The following NEUROD2 variants were observed in gnomAD, a reference collection of about 807,000 sequenced individuals.
NEUROD2 encodes the protein neurogenic differentiation factor 2.
Under a neutral mutation model 9.3 loss-of-function variants are expected in NEUROD2, and 5 were observed. The ratio of observed to expected loss-of-function variants is 0.54; its 90% confidence interval spans 0.28 to 1.13. The LOEUF is 1.13. Ranked by LOEUF, NEUROD2 falls within the 50% of genes most tolerant of loss-of-function variation. NEUROD2 has a pLI of 0.10. For synonymous variants in NEUROD2, 277 were observed against 257.3 expected, an observed-to-expected ratio of 1.08 and a Z score of -0.73; for missense variants, 376 against 549.2, an observed-to-expected ratio of 0.68 and a Z score of 3.15.
Position 39,606,701 on chromosome 17 carries a change from G to C in NEUROD2, c.-5-97C>G. 3 of 1,284,808 alleles carry C rather than the reference G, an allele frequency of 2.3e-6. No homozygotes were observed. Among genetic ancestry groups the C allele is most frequent in the Non-Finnish European group, 3.1e-6 (3 of 977,548 alleles). The allele number at this position is 1,284,808 out of a possible 1,614,324, so 79.6% of individuals were successfully genotyped here. A position where few individuals can be genotyped will look rare whatever the true frequency, so the allele number is the denominator to read the frequency against. ...CCCCCCACAACCCTCCTCCACCCCC[G>C]AGTCTCGTGCGGGCTCCTGCCTAGG... On this transcript the variant is annotated intron_variant, in intron 1 of 1. Transcript: ENST00000302584. This position sits in a 1 kb window ranked among gnomAD's most constrained non-coding sequence, Gnocchi z 7.8.
At position 39,606,361 on chromosome 17, in the gene NEUROD2, C is replaced by A; in HGVS notation, c.239G>T (p.Gly80Val). 5 of 1,571,512 alleles carry A rather than the reference C, an allele frequency of 3.2e-6. No individual in the cohort carries two copies. Among genetic ancestry groups the A allele is most frequent in the Non-Finnish European group, 4.3e-6 (5 of 1,161,226 alleles). ...LAEVKEEGEL[G>V]GEEEEEEEEE... is the part of the protein sequence containing the mutation. The stretch of plus-strand genomic sequence containing the variant: ...CTCCTCTTCCTCCTCCTCCTCTCCC[C>A]CCAGCTCGCCTTCCTCCTTGACCTC... Residue 80 changes from glycine to valine, a missense_variant, in exon 2 of 2, where the codon GGG becomes GTG. Physicochemically the swap from Gly to Val is moderately radical, Grantham distance 109 (BLOSUM62 -3). This residue lies in a region of NEUROD2 where 134 missense variants were observed against 133.6 expected (regional missense o/e 1.00). Transcript: ENST00000302584. The surrounding 1 kb of genome is among the most constrained non-coding windows in gnomAD (Gnocchi z 7.8).
Position 39,605,328 on chromosome 17 carries a change from G to A in NEUROD2, c.*123C>T. ...ACTGCGCTGCCCCAGGAGAGCGGCA[G>A]GACCGGTGGCCCGCTCCCCGCGCCC... On this transcript the variant is annotated 3_prime_UTR_variant, in exon 2 of 2. Transcript: ENST00000302584. The surrounding 1 kb of genome is among the most constrained non-coding windows in gnomAD (Gnocchi z 6.8). 1 of 1,308,912 alleles carries A rather than the reference G, an allele frequency of 7.6e-7. No individual in the cohort carries two copies. The highest frequency in any genetic ancestry group is 1.5e-5 in the African/African-American group (1 of 67,028). 81.1% of individuals were successfully genotyped at this position (1,308,912 alleles called of 1,614,324 possible).
Position 39,605,822 on chromosome 17 carries a change from C to A in NEUROD2, c.778G>T (p.Gly260Cys), listed in dbSNP as rs890819219. 1.5e-6 allele frequency: 2 copies of A among 1,364,744 alleles called. No individual in the cohort carries two copies. Among genetic ancestry groups the A allele is most frequent in the Non-Finnish European group, 1.9e-6 (2 of 1,065,622 alleles). 84.5% of individuals were successfully genotyped at this position (1,364,744 alleles called of 1,614,324 possible). The change falls in exon 2 of 2, where the codon GGC (glycine) becomes TGC (cysteine). Residue 260 changes from glycine (G) to cysteine (C), a missense_variant. This residue lies in a region of NEUROD2 where 193 missense variants were observed against 255.8 expected (regional missense o/e 0.75). Transcript: ENST00000302584. The surrounding 1 kb of genome is among the most constrained non-coding windows in gnomAD (Gnocchi z 6.8). Reference sequence around the variant, plus strand: ...TGGGTCCGCAGGGCGTGCGCCGCGCCGCCGCCCAGGCCGCCGGCCGCCTGG... The same window carrying A: ...TGGGTCCGCAGGGCGTGCGCCGCGCAGCCGCCCAGGCCGCCGGCCGCCTGG... ...QCQAAGGLGG[G>C]AAHALRTHGY...
Position 39,606,905 on chromosome 17 carries a change from C to T in NEUROD2, c.-5-301G>A, listed in dbSNP as rs1181753110. On this transcript the variant is annotated intron_variant, in intron 1 of 1. Coordinates refer to ENST00000302584, the MANE Select transcript of NEUROD2 (RefSeq NM_006160.4). This position sits in a 1 kb window ranked among gnomAD's most constrained non-coding sequence, Gnocchi z 7.8. The stretch of plus-strand genomic sequence containing the variant: ...TTCTTCTCAGGGTCAGGGCAGGGAC[C>T]GGGTGGGGGTTTTAGGGACCAGATA... The T allele has an allele frequency of 1.5e-5, 5 of 336,792 alleles. No homozygotes were observed. Among genetic ancestry groups the T allele is most frequent in the Admixed American group, 1.0e-4 (2 of 19,984 alleles). The allele number at this position is 336,792 out of a possible 1,614,324, so 20.9% of individuals were successfully genotyped here.
chr17:39,607,339 C>G (rs952460579), intron 1 of NEUROD2: 2 of 152,454 alleles, frequency 1.3e-5, no homozygotes, highest in East Asian at 3.9e-4. Flanking sequence ...CTCCCTCCCA[C>G]AAGGCTCTTC....
chr17:39,606,171 G>T lies in NEUROD2; in HGVS notation c.429C>A (p.Asn143Lys). The T allele has an allele frequency of 6.2e-7, 1 of 1,613,404 alleles. No individual in the cohort carries two copies. The change falls in exon 2 of 2, where the codon AAC becomes AAA. Residue 143 changes from asparagine (N) to lysine (K), a missense_variant. Physicochemically the swap from Asn to Lys is moderately conservative, Grantham distance 94. Coordinates refer to ENST00000302584, the MANE Select transcript of NEUROD2 (RefSeq NM_006160.4). This position sits in a 1 kb window ranked among gnomAD's most constrained non-coding sequence, Gnocchi z 7.8. Reference protein sequence around the residue: ...RMHDLNAALDNLRKVVPCYSK... With the variant: ...RMHDLNAALDKLRKVVPCYSK... ...AGTAGCAGGGCACCACCTTGCGCAG[G>T]TTGTCCAGGGCTGCGTTCAGGTCGT...
rs946243906 is a variant in NEUROD2, at chr17:39,604,354, A to G, written c.*1097T>C. Reference sequence around the variant, plus strand: ...CGACCCCCCAACAGTTTGCCATTCCATACAAATTTGGAAACAGGTTTTTAA... The same window carrying G: ...CGACCCCCCAACAGTTTGCCATTCCGTACAAATTTGGAAACAGGTTTTTAA... On this transcript the variant is annotated 3_prime_UTR_variant, in exon 2 of 2. Transcript: ENST00000302584. 2 of 152,584 alleles carry G rather than the reference A, an allele frequency of 1.3e-5. No homozygotes were observed. Among genetic ancestry groups the G allele is most frequent in the Non-Finnish European group, 2.9e-5 (2 of 67,976 alleles). 9.5% of individuals were successfully genotyped at this position (152,584 alleles called of 1,614,324 possible).
chr17:39,605,772 C>T lies in NEUROD2; in HGVS notation c.828G>A (p.Thr276=). 2 of 1,462,768 alleles carry T rather than the reference C, an allele frequency of 1.4e-6. No individual in the cohort carries two copies. Among genetic ancestry groups the T allele is most frequent in the Non-Finnish European group, 1.8e-6 (2 of 1,109,256 alleles). The allele number at this position is 1,462,768 out of a possible 1,614,324, so 90.6% of individuals were successfully genotyped here. ...RTHGYCAAYE[T]LYAAAGGGGA... ...CGCCACCGCCTGCCGCCGCATACAGCGTCTCGTAGGCGGCGCAGTAGCCGT... is the reference window on the plus strand; with the variant it reads ...CGCCACCGCCTGCCGCCGCATACAGTGTCTCGTAGGCGGCGCAGTAGCCGT... The change falls in exon 2 of 2, where the codon ACG becomes ACA. Residue 276 remains threonine, a synonymous_variant. Coordinates refer to ENST00000302584, the MANE Select transcript of NEUROD2 (RefSeq NM_006160.4). The surrounding 1 kb of genome is among the most constrained non-coding windows in gnomAD (Gnocchi z 6.8).
chr17:39,605,832 G>T lies in NEUROD2; in HGVS notation c.768C>A (p.Gly256=). ...GGGCGTGCGCCGCGCCGCCGCCCAG[G>T]CCGCCGGCCGCCTGGCACTGTGCGC... is the stretch of plus-strand genomic sequence containing the variant. ...LAGAQCQAAG[G]LGGGAAHALR... Residue 256 remains glycine (G), a synonymous_variant, in exon 2 of 2, where the codon GGC becomes GGA. Coordinates refer to ENST00000302584, the MANE Select transcript of NEUROD2 (RefSeq NM_006160.4). This position sits in a 1 kb window ranked among gnomAD's most constrained non-coding sequence, Gnocchi z 6.8. 1 of 1,370,162 alleles carries T rather than the reference G, an allele frequency of 7.3e-7. No individual in the cohort carries two copies. Among genetic ancestry groups the T allele is most frequent in the South Asian group, 1.8e-5 (1 of 54,586 alleles). The allele number at this position is 1,370,162 out of a possible 1,614,324, so 84.9% of individuals were successfully genotyped here. A position where few individuals can be genotyped will look rare whatever the true frequency, so the allele number is the denominator to read the frequency against.
In NEUROD2 at chr17:39,605,698, G is replaced by A; in HGVS notation, c.902C>T (p.Pro301Leu). The A allele has an allele frequency of 6.2e-7, 1 of 1,605,988 alleles. No individual in the cohort carries two copies. Among genetic ancestry groups the A allele is most frequent in the Non-Finnish European group, 8.5e-7 (1 of 1,176,756 alleles). Reference sequence around the variant, plus strand: ...GAAGTTGCCATTGAGACAGAGCGGGGGGCTGAGCGGGCCCTCGTACTCGGA... The same window carrying A: ...GAAGTTGCCATTGAGACAGAGCGGGAGGCTGAGCGGGCCCTCGTACTCGGA... ...NSSEYEGPLS[P>L]PLCLNGNFSL... The change falls in exon 2 of 2, where the codon CCC becomes CTC. Residue 301 changes from proline to leucine, a missense_variant. This residue lies in a region of NEUROD2 where 193 missense variants were observed against 255.8 expected (regional missense o/e 0.75). Transcript: ENST00000302584. The surrounding 1 kb of genome is among the most constrained non-coding windows in gnomAD (Gnocchi z 6.8).
At position 39,605,391 on chromosome 17, in the gene NEUROD2, G is replaced by T; in HGVS notation, c.*60C>A. ...GGATGGGGGTGTCCCTGCGCTCTGGGGGCTGGGGACAGGGGGGCGGGCAAA... is the reference window on the plus strand; with the variant it reads ...GGATGGGGGTGTCCCTGCGCTCTGGTGGCTGGGGACAGGGGGGCGGGCAAA... On this transcript the variant is annotated 3_prime_UTR_variant, in exon 2 of 2. Coordinates refer to ENST00000302584, the MANE Select transcript of NEUROD2 (RefSeq NM_006160.4). The surrounding 1 kb of genome is among the most constrained non-coding windows in gnomAD (Gnocchi z 6.8). 1 of 1,470,474 alleles carries T rather than the reference G, an allele frequency of 6.8e-7. No homozygotes were observed. Among genetic ancestry groups the T allele is most frequent in the Non-Finnish European group, 9.1e-7 (1 of 1,104,838 alleles). 91.1% of individuals were successfully genotyped at this position (1,470,474 alleles called of 1,614,324 possible).
chr17:39,607,521 G>T, intron 1 of NEUROD2: 3 of 755,414 alleles, frequency 4.0e-6, no homozygotes, highest in Non-Finnish European at 4.8e-6. Context: ...CCCCCCCACC[G>T]AGCCCATCGC....
rs764468356 is a variant in NEUROD2 at position 39,605,871 on chromosome 17, G to A, written c.729C>T (p.Cys243=). The A allele has an allele frequency of 6.5e-7, 1 of 1,549,976 alleles. No homozygotes were observed. The highest frequency in any genetic ancestry group is 2.0e-5 in the Admixed American group (1 of 50,888). ...GGCACTGTGCGCCCGCCAGGCGCGA[G>A]CACGGGTACGGGTAGGGGTGCATGG... ...PFAMHPYPYP[C]SRLAGAQCQA... Residue 243 remains cysteine, a synonymous_variant, in exon 2 of 2, where the codon TGC becomes TGT. Transcript: ENST00000302584. This position sits in a 1 kb window ranked among gnomAD's most constrained non-coding sequence, Gnocchi z 6.8.
rs2056758604 is a variant in NEUROD2 at position 39,604,627 on chromosome 17, T to C, written c.*824A>G. The C allele has an allele frequency of 6.6e-6, 1 of 152,026 alleles. No homozygotes were observed. Among genetic ancestry groups the C allele is most frequent in the East Asian group, 1.9e-4 (1 of 5,196 alleles). The allele number at this position is 152,026 out of a possible 1,614,324, so 9.4% of individuals were successfully genotyped here. ...CATAGATATTTGTGTCTTTGATTAT[T>C]GGTAGTAGTGGTTTTTTTTTGTTTG... On this transcript the variant is annotated 3_prime_UTR_variant, in exon 2 of 2. Coordinates refer to ENST00000302584, the MANE Select transcript of NEUROD2 (RefSeq NM_006160.4).
rs2056759586 is a variant in NEUROD2 at position 39,604,755 on chromosome 17, C to CATTTTTT, written c.*695_*696insAAAAAAT. ...GCGTTCGGCTTCCGTCGCCTCTTAG[C>CATTTTTT]TTTTTTTTTTTTTTTTTTTTTTTTT... is the stretch of plus-strand genomic sequence containing the variant. On this transcript the variant is annotated 3_prime_UTR_variant, in exon 2 of 2. Coordinates refer to ENST00000302584, the MANE Select transcript of NEUROD2 (RefSeq NM_006160.4). 3 of 22,316 alleles carry CATTTTTT rather than the reference C, an allele frequency of 1.3e-4. No homozygotes were observed. The highest frequency in any genetic ancestry group is 2.2e-4 in the Non-Finnish European group (3 of 13,474). The allele number at this position is 22,316 out of a possible 1,614,324, so 1.4% of individuals were successfully genotyped here. A position where few individuals can be genotyped will look rare whatever the true frequency, so the allele number is the denominator to read the frequency against.
At position 39,606,503 on chromosome 17, in the gene NEUROD2, T is replaced by C; in HGVS notation, c.97A>G (p.Lys33Glu). ...DGEDDEPRSD[K>E]GDAPPPPPPA... ...GGTGGCGGTGGCGGCGCGTCGCCCT[T>C]GTCGCTCCTCGGCTCGTCGTCTTCG... The change falls in exon 2 of 2, where the codon AAG becomes GAG. Residue 33 changes from lysine (K) to glutamate (E), a missense_variant. Physicochemically the swap from Lys to Glu is moderately conservative, Grantham distance 56. This residue lies in a region of NEUROD2 where 134 missense variants were observed against 133.6 expected (regional missense o/e 1.00). Coordinates refer to ENST00000302584, the MANE Select transcript of NEUROD2 (RefSeq NM_006160.4). This position sits in a 1 kb window ranked among gnomAD's most constrained non-coding sequence, Gnocchi z 7.8. The C allele has an allele frequency of 2.6e-6, 4 of 1,557,538 alleles. No homozygotes were observed. Among genetic ancestry groups the C allele is most frequent in the Non-Finnish European group, 3.5e-6 (4 of 1,159,312 alleles).
chr17:39,604,755 C>CATTTT lies in NEUROD2; in HGVS notation c.*695_*696insAAAAT, dbSNP rs2056759586. 3.1e-4 allele frequency: 7 copies of CATTTT among 22,314 alleles called. No homozygotes were observed. The highest frequency in any genetic ancestry group is 1.8e-3 in the Admixed American group (2 of 1,130). The allele number at this position is 22,314 out of a possible 1,614,324, so 1.4% of individuals were successfully genotyped here. Reference sequence around the variant, plus strand: ...GCGTTCGGCTTCCGTCGCCTCTTAGCTTTTTTTTTTTTTTTTTTTTTTTTT... The same window carrying CATTTT: ...GCGTTCGGCTTCCGTCGCCTCTTAGCATTTTTTTTTTTTTTTTTTTTTTTTTTTTT... On this transcript the variant is annotated 3_prime_UTR_variant, in exon 2 of 2. Coordinates refer to ENST00000302584, the MANE Select transcript of NEUROD2 (RefSeq NM_006160.4).
In NEUROD2 at chr17:39,606,445, G is replaced by A; in HGVS notation, c.155C>T (p.Ala52Val). 1 of 1,519,260 alleles carries A rather than the reference G, an allele frequency of 6.6e-7. No individual in the cohort carries two copies. The allele number at this position is 1,519,260 out of a possible 1,614,324, so 94.1% of individuals were successfully genotyped here. A position where few individuals can be genotyped will look rare whatever the true frequency, so the allele number is the denominator to read the frequency against. Reference protein sequence around the residue: ...PAPGPGAPGPARAAKPVPLRG... With the variant: ...PAPGPGAPGPVRAAKPVPLRG... ...GAGAGGGACTGGCTTGGCCGCCCGG[G>A]CTGGCCCCGGAGCCCCTGGCCCGGG... The change falls in exon 2 of 2, where the codon GCC becomes GTC. Residue 52 changes from alanine to valine, a missense_variant. Ala to Val is a moderately conservative substitution (Grantham distance 64). Coordinates refer to ENST00000302584, the MANE Select transcript of NEUROD2 (RefSeq NM_006160.4). This position sits in a 1 kb window ranked among gnomAD's most constrained non-coding sequence, Gnocchi z 7.8.
Position 39,606,580 on chromosome 17 carries a change from C to T in NEUROD2, c.20G>A (p.Ser7Asn). The change falls in exon 2 of 2, where the codon AGC becomes AAC. Residue 7 changes from serine (S) to asparagine (N), a missense_variant. Coordinates refer to ENST00000302584, the MANE Select transcript of NEUROD2 (RefSeq NM_006160.4). The surrounding 1 kb of genome is among the most constrained non-coding windows in gnomAD (Gnocchi z 7.8). Reference sequence around the variant, plus strand: ...CACGTCCGAGAGAAGGCCGGGCTCGCTGAACAGGCGGGTCAGCATGGTGCC... The same window carrying T: ...CACGTCCGAGAGAAGGCCGGGCTCGTTGAACAGGCGGGTCAGCATGGTGCC... MLTRLFSEPGLLSDVPK... is the reference protein window; with the variant it reads MLTRLFNEPGLLSDVPK... The T allele has an allele frequency of 1.3e-6, 2 of 1,583,054 alleles. No homozygotes were observed. The highest frequency in any genetic ancestry group is 8.5e-7 in the Non-Finnish European group (1 of 1,174,830).
Sources: allele counts gnomAD v4.1 joint callset, GRCh38; gene constraint gnomAD v4.1.1; regional missense constraint gnomAD v4.1.1; non-coding constraint Gnocchi (gnomAD v3.1); transcripts MANE v1.5; gene names NCBI Gene and HGNC (gene_info 2026-07-23, HGNC 2026-07-21).